Variants in ENTPD3 observed in about 807,000 individuals in gnomAD.
ENTPD3 encodes the protein ectonucleoside triphosphate diphosphohydrolase 3.
Under a neutral mutation model 51.2 loss-of-function variants are expected in ENTPD3, and 60 were observed. That is an observed-to-expected ratio of 1.17 (90% CI 0.95 to 1.45). ENTPD3 has a LOEUF of 1.45. ENTPD3 is among the 40% of genes most tolerant of loss of function. The probability of loss-of-function intolerance (pLI) is 0.00; values close to 1 mark genes in which losing one functional copy is unlikely to be tolerated. For missense variants in ENTPD3, 593 were observed against 641.1 expected (o/e 0.93, Z 0.81); for synonymous variants, 221 against 238.4 (o/e 0.93, Z 0.67).
chr3:40,410,213 G>C (rs1467425210), intron 4 of ENTPD3, among the ~76,000 whole-genome samples: 1 of 152,140 alleles, frequency 6.6e-6, no homozygotes, highest in Non-Finnish European at 1.5e-5. Flanking sequence ...GGCTGAAGCG[G>C]GTGGATCACT....
At chr3:40,398,784 G>T (rs1489797603) in intron 3 of ENTPD3, among the ~76,000 whole-genome samples, 1 of 152,054 alleles carries the variant, frequency 6.6e-6, no homozygotes, top group Admixed American at 6.6e-5. Context: ...ATAAAAAGTT[G>T]GAAACCTCCT....
intron 1 of ENTPD3, among the ~76,000 whole-genome samples, chr3:40,387,605 G>T (rs957108485): frequency 6.6e-6 from 1 of 152,174 alleles, no homozygotes; most frequent in African/African-American, 2.4e-5. Flanking sequence ...CCAGCCAGCA[G>T]CTAAAGACTC....
intron 4 of ENTPD3, among the ~76,000 whole-genome samples, chr3:40,409,803 T>C (rs1213391621): frequency 2.0e-5 from 3 of 152,080 alleles, no homozygotes; most frequent in African/African-American, 7.2e-5. Flanking sequence ...TGGCATGCAA[T>C]GCAACTGTAA....
At chr3:40,391,146 T>G (rs534652851) in intron 2 of ENTPD3, 2 of 151,962 alleles carry the variant, frequency 1.3e-5, no homozygotes, top group South Asian at 2.1e-4. Context: ...TATTTCTTGG[T>G]AGAGACATGG....
chr3:40,424,543 G>T (rs1040182435), intron 10 of ENTPD3, among the ~76,000 whole-genome samples: 1 of 151,454 alleles, frequency 6.6e-6, no homozygotes, highest in African/African-American at 2.4e-5. Context: ...CTTAGCTCAG[G>T]GTTTAATATA....
chr3:40,423,210 A>G (rs1955916327), intron 8 of ENTPD3, 81 bp from the exon 9 acceptor site: 1 of 1,545,968 alleles, frequency 6.5e-7, no homozygotes, highest in African/African-American at 1.4e-5. Flanking sequence ...CTTGTTAGCC[A>G]CCTTCTTATT....
rs775322652 is a variant in ENTPD3 at position 40,402,111 on chromosome 3, C to CTTTTTTT, written c.286+1105_286+1111dup. 2.6e-3 allele frequency among the ~76,000 whole-genome samples: 253 copies of CTTTTTTT among 96,812 alleles called. 4 individuals are homozygous for CTTTTTTT. Among genetic ancestry groups the CTTTTTTT allele is most frequent in the Middle Eastern group, 5.7e-3 (1 of 174 alleles). The allele number at this position is 96,812 out of a possible 152,430, so 63.5% of individuals were successfully genotyped here. On this transcript the variant is annotated intron_variant, in intron 4 of 10. Transcript: ENST00000301825. Reference sequence around the variant, plus strand: ...GTAACTATCTTGTTCATTTCCTTTCCTTTTTTTTTTTCTTTTTTTTTTTTT... The same window carrying CTTTTTTT: ...GTAACTATCTTGTTCATTTCCTTTCCTTTTTTTTTTTTTTTTTTCTTTTTTTTTTTTT...
At chr3:40,407,810 G>A (rs918401526) in intron 4 of ENTPD3, among the ~76,000 whole-genome samples, 1 of 152,150 alleles carries the variant, frequency 6.6e-6, no homozygotes, top group Non-Finnish European at 1.5e-5. Flanking sequence ...GAAGAAAGAG[G>A]AAGTGCGCAA....
In ENTPD3 at chr3:40,423,123, G is replaced by A. The variant is rs146079517; in HGVS notation, c.1104+1G>A. ...GCCAAAGATTAAAGGGCCATTTGTGGTAAGAGCAAAACCTTCTGAAAGATT... is the reference window on the plus strand; with the variant it reads ...GCCAAAGATTAAAGGGCCATTTGTGATAAGAGCAAAACCTTCTGAAAGATT... On this transcript the variant is annotated splice_donor_variant, in intron 8 of 10. Coordinates refer to ENST00000301825, the MANE Select transcript of ENTPD3 (RefSeq NM_001248.4). LOFTEE classifies it high-confidence loss of function. 1.9e-6 allele frequency: 3 copies of A among 1,609,036 alleles called. No homozygotes were observed. The East Asian group carries it at 6.7e-5, about 36-fold the overall frequency.
chr3:40,406,963 T>C (rs2125598505), intron 4 of ENTPD3, among the ~76,000 whole-genome samples: 1 of 152,238 alleles, frequency 6.6e-6, no homozygotes, highest in African/African-American at 2.4e-5. Flanking sequence ...GTGCTTAGAT[T>C]TGCGAGGTAT....
intron 1 of ENTPD3, among the ~76,000 whole-genome samples, chr3:40,387,695 A>G (rs1277562880): frequency 6.6e-6 from 1 of 152,172 alleles, no homozygotes; most frequent in African/African-American, 2.4e-5. Flanking sequence ...TTCTGAAAAA[A>G]AGCCCCGCCT....
intron 4 of ENTPD3, among the ~76,000 whole-genome samples, chr3:40,410,705 C>G (rs1273870887): frequency 6.6e-6 from 1 of 152,012 alleles, no homozygotes; most frequent in East Asian, 1.9e-4. Flanking sequence ...GTACAATCGA[C>G]AAACTCTAGA....
intron 3 of ENTPD3, among the ~76,000 whole-genome samples, chr3:40,397,119 C>CTTTTTTTT (rs3064608): frequency 0.21 from 21,418 of 100,838 alleles, 3,719 homozygotes; most frequent in East Asian, 0.37. Flanking sequence ...TAATTAGTTT[C>CTTTTTTTT]TTTTTTTTTT....
chr3:40,420,530 C>T (rs960031576), intron 7 of ENTPD3, among the ~76,000 whole-genome samples: 6 of 152,070 alleles, frequency 3.9e-5, no homozygotes, highest in African/African-American at 1.4e-4. Context: ...TGAGCCACCA[C>T]GCCCCGCATA....
intron 4 of ENTPD3, among the ~76,000 whole-genome samples, chr3:40,406,943 G>T (rs565787627): frequency 1.3e-5 from 2 of 152,146 alleles, no homozygotes; most frequent in African/African-American, 4.8e-5. Context: ...TCTGGGGAAG[G>T]GGGTGAGAAG....
chr3:40,389,900 C>G (rs1358643887), intron 2 of ENTPD3, among the ~76,000 whole-genome samples: 1 of 152,078 alleles, frequency 6.6e-6, no homozygotes, highest in East Asian at 1.9e-4. Flanking sequence ...GAATAATGTT[C>G]TGGAATAAGA....
At chr3:40,410,898 G>A (rs1436261889) in intron 4 of ENTPD3, among the ~76,000 whole-genome samples, 1 of 152,184 alleles carries the variant, frequency 6.6e-6, no homozygotes. Context: ...AAGGAGGGAT[G>A]AAGAGGAGGA....
intron 10 of ENTPD3, 159 bp downstream of exon 10, chr3:40,424,122 T>C: frequency 4.1e-6 from 4 of 985,406 alleles, no homozygotes; most frequent in Non-Finnish European, 4.8e-6. Context: ...GAAGAGGTCA[T>C]GGAGAATTTA....
At position 40,423,867 on chromosome 3, in the gene ENTPD3, C is replaced by T. The variant is rs1378871327; in HGVS notation, c.1257C>T (p.Arg419=). 2 of 1,614,004 alleles carry T rather than the reference C, an allele frequency of 1.2e-6. No individual in the cohort carries two copies. Among genetic ancestry groups the T allele is most frequent in the Non-Finnish European group, 1.7e-6 (2 of 1,180,008 alleles). The change falls in exon 10 of 11, where the codon CGC becomes CGT. Residue 419 remains arginine (R), a synonymous_variant. Coordinates refer to ENST00000301825, the MANE Select transcript of ENTPD3 (RefSeq NM_001248.4). ...CCAAATTTGATGAGGTATATGCCCG[C>T]TCTTACTGCTTCTCAGCCAACTACA... ...LLPKFDEVYA[R]SYCFSANYIY... is the part of the protein sequence containing the mutation.
Sources: allele counts gnomAD v4.1 joint callset (sites outside exome capture counted in the v4.1 genomes callset), GRCh38; gene constraint gnomAD v4.1.1; transcripts MANE v1.5; gene names NCBI Gene and HGNC (gene_info 2026-07-23, HGNC 2026-07-21).